The following ST7 variants were observed in gnomAD, a reference collection of about 807,000 sequenced individuals.
The protein encoded by ST7 is suppressor of tumorigenicity 7 protein.
Under a neutral mutation model 78.7 loss-of-function variants are expected in ST7, and 28 were observed. That is an observed-to-expected ratio of 0.36 (90% CI 0.26 to 0.49). The LOEUF (loss-of-function observed/expected upper bound fraction) is 0.49, where lower values mean the gene tolerates loss of function less well. Ranked by LOEUF, ST7 falls within the 20% of genes least tolerant of loss-of-function variation. The probability of loss-of-function intolerance (pLI) is 0.99; values close to 1 mark genes in which losing one functional copy is unlikely to be tolerated. For missense variants in ST7, 418 were observed against 696.0 expected (o/e 0.60, Z 4.49); for synonymous variants, 247 against 249.6 (o/e 0.99, Z 0.10).
At chr7:116,953,755 TCGCGCGGGGCCGCGGCCAGGCGCG>T (rs1792269651) in intron 1 of ST7, 64 bp downstream of exon 1, 5 of 1,194,032 alleles carry the variant, frequency 4.2e-6, no homozygotes, top group Admixed American at 5.9e-5. Context: ...TTAGTGCAAC[TCGCGCGGGGCCGCGGCCAGGCGCG>T]CGCTCGGGGA....
At chr7:117,211,194 G>A (rs1300302608) in intron 13 of ST7, among the ~76,000 whole-genome samples, 1 of 152,170 alleles carries the variant, frequency 6.6e-6, no homozygotes, top group Non-Finnish European at 1.5e-5. Context: ...ATTAGCAGTA[G>A]TTCTGCTTCT....
intron 13 of ST7, among the ~76,000 whole-genome samples, chr7:117,212,915 G>A (rs1265482558): frequency 6.6e-6 from 1 of 152,140 alleles, no homozygotes; most frequent in East Asian, 1.9e-4. Flanking sequence ...CATCGCTTCT[G>A]GATCTATGTT....
intron 3 of ST7, among the ~76,000 whole-genome samples, chr7:117,121,880 TG>T (rs1429903520): frequency 1.5e-5 from 2 of 136,606 alleles, no homozygotes; most frequent in African/African-American, 5.1e-5. Context: ...TCTTCCCACC[TG>T]TTTTATAAGA....
chr7:117,183,559 TC>T (rs1305212504), intron 10 of ST7, among the ~76,000 whole-genome samples: 1 of 152,130 alleles, frequency 6.6e-6, no homozygotes, highest in Non-Finnish European at 1.5e-5. Flanking sequence ...AAACAGAACT[TC>T]CTGAAATCTT....
chr7:117,132,844 T>C (rs1804479172), intron 6 of ST7, among the ~76,000 whole-genome samples: 1 of 151,830 alleles, frequency 6.6e-6, no homozygotes, highest in Non-Finnish European at 1.5e-5. Flanking sequence ...GAGAAAAATA[T>C]GAAGGCCAGG....
intron 13 of ST7, 198 bp from the exon 14 acceptor site, chr7:117,218,886 A>G (rs181095951): frequency 4.0e-5 from 22 of 544,428 alleles, no homozygotes; most frequent in African/African-American, 3.3e-4. Flanking sequence ...CTCAGAATAT[A>G]TAGTGTGAGA....
At chr7:116,978,155 A>C (rs903166812) in intron 1 of ST7, among the ~76,000 whole-genome samples, 1 of 152,172 alleles carries the variant, frequency 6.6e-6, no homozygotes, top group African/African-American at 2.4e-5. Context: ...TTGGTAAAAC[A>C]TGGAGACTTA....
intron 12 of ST7, among the ~76,000 whole-genome samples, chr7:117,200,400 G>A (rs1296592371): frequency 6.6e-6 from 1 of 152,156 alleles, no homozygotes. Flanking sequence ...CAGCAGGGAG[G>A]GGGCTGCAGA....
intron 6 of ST7, among the ~76,000 whole-genome samples, chr7:117,133,731 G>C (rs1272644161): frequency 1.3e-5 from 2 of 151,568 alleles, no homozygotes; most frequent in African/African-American, 2.4e-5. Context: ...TGGAATTGTA[G>C]CTCTCCTGAC....
chr7:117,220,746 C>T (rs149214491), intron 14 of ST7, among the ~76,000 whole-genome samples: 18 of 152,298 alleles, frequency 1.2e-4, no homozygotes, highest in African/African-American at 4.1e-4. Context: ...ATAATTTGCA[C>T]ATTAAAAGTA....
intron 1 of ST7, among the ~76,000 whole-genome samples, chr7:116,992,672 C>T (rs576550215): frequency 6.6e-5 from 10 of 152,342 alleles, no homozygotes; most frequent in Non-Finnish European, 1.3e-4. Flanking sequence ...ACATTCGGCT[C>T]CTCATTACTT....
At chr7:117,047,590 T>C (rs544875544) in intron 1 of ST7, among the ~76,000 whole-genome samples, 2 of 152,322 alleles carry the variant, frequency 1.3e-5, no homozygotes, top group East Asian at 3.9e-4. Context: ...TTATACTCTG[T>C]GCATTGTTAG....
At chr7:117,105,758 T>A (rs1801902277) in intron 2 of ST7, among the ~76,000 whole-genome samples, 1 of 152,238 alleles carries the variant, frequency 6.6e-6, no homozygotes, top group African/African-American at 2.4e-5. Flanking sequence ...AGGTGGTAGA[T>A]ATTCCAGTGA....
At chr7:117,131,821 C>A in intron 5 of ST7, 64 bp from the exon 6 acceptor site, 1 of 1,407,786 alleles carries the variant, frequency 7.1e-7, no homozygotes, top group Non-Finnish European at 1.0e-6. Context: ...AGCTCTTGTC[C>A]TCTACTGAGT....
intron 1 of ST7, among the ~76,000 whole-genome samples, chr7:116,962,930 G>A (rs1320777550): frequency 1.3e-5 from 2 of 152,194 alleles, no homozygotes; most frequent in Admixed American, 6.5e-5. Flanking sequence ...CTTACAGCTT[G>A]ATGATAGACT....
At chr7:117,114,256 G>A (rs775153214) in intron 2 of ST7, among the ~76,000 whole-genome samples, 16 of 152,070 alleles carry the variant, frequency 1.1e-4, no homozygotes, top group Non-Finnish European at 1.9e-4. Context: ...GATCTGTCAT[G>A]AGGAATTAGG....
At chr7:117,155,706 T>C (rs1806639698) in intron 9 of ST7, among the ~76,000 whole-genome samples, 2 of 152,218 alleles carry the variant, frequency 1.3e-5, no homozygotes, top group African/African-American at 4.8e-5. Flanking sequence ...TATCTCCACA[T>C]AGCAGAGAAT....
intron 1 of ST7, chr7:117,014,778 TA>T (rs1795530543): frequency 2.8e-6 from 1 of 358,572 alleles, no homozygotes; most frequent in Non-Finnish European, 5.0e-6. Context: ...AAATAACAGT[TA>T]TTTTCTGAGA....
chr7:117,015,048 T>A, intron 1 of ST7: 5 of 1,041,642 alleles, frequency 4.8e-6, no homozygotes, highest in Non-Finnish European at 6.5e-6. Context: ...TCCAGTTATG[T>A]AGAATTACTT....
Sources: allele counts gnomAD v4.1 joint callset (sites outside exome capture counted in the v4.1 genomes callset), GRCh38; gene constraint gnomAD v4.1.1; transcripts MANE v1.5; gene names NCBI Gene and HGNC (gene_info 2026-07-23, HGNC 2026-07-21).